Variants in FASTKD1 observed in about 807,000 individuals in gnomAD.
The protein encoded by FASTKD1 is FAST kinase domains 1, also known as FAST kinase domain-containing protein 1, mitochondrial.
Under a neutral mutation model 90.9 loss-of-function variants are expected in FASTKD1, and 94 were observed. The observed-to-expected ratio is 1.03, with a 90% CI of 0.88 to 1.23. The LOEUF (loss-of-function observed/expected upper bound fraction) is 1.23, where lower values mean the gene tolerates loss of function less well. FASTKD1 is among the 50% of genes most tolerant of loss of function. The pLI is 0.00. For synonymous variants in FASTKD1, 319 were observed against 345.8 expected, an observed-to-expected ratio of 0.92 and a Z score of 0.86; for missense variants, 945 against 993.5, an observed-to-expected ratio of 0.95 and a Z score of 0.66.
chr2:169,543,507 T>C (rs1685052662), intron 9 of FASTKD1, among the ~76,000 whole-genome samples: 2 of 152,152 alleles, frequency 1.3e-5, no homozygotes, highest in South Asian at 2.1e-4. Context: ...TCGGGAAAAT[T>C]TGATTACGGA....
chr2:169,544,688 T>C (rs747190524), intron 9 of FASTKD1, 33 bp downstream of exon 9: 2 of 1,169,594 alleles, frequency 1.7e-6, no homozygotes, highest in Admixed American at 1.7e-5. Flanking sequence ...CTCTGACTTA[T>C]TCACTCAATG....
At chr2:169,537,955 T>C (rs567973616) in intron 11 of FASTKD1, 58 bp downstream of exon 11, 13 of 1,445,180 alleles carry the variant, frequency 9.0e-6, no homozygotes, top group African/African-American at 4.3e-5. Flanking sequence ...AACAATGTAC[T>C]ACCTAATAAT....
At chr2:169,539,762 T>C (rs114507829) in intron 10 of FASTKD1, among the ~76,000 whole-genome samples, 1 of 151,854 alleles carries the variant, frequency 6.6e-6, no homozygotes, top group Non-Finnish European at 1.5e-5. Context: ...AGACCCTGTC[T>C]CAAAACAAAA....
intron 7 of FASTKD1, among the ~76,000 whole-genome samples, chr2:169,553,057 A>C (rs1435037090): frequency 6.6e-6 from 1 of 151,834 alleles, no homozygotes. Context: ...AAATACAAAA[A>C]TTAGCCAGGC....
intron 10 of FASTKD1, among the ~76,000 whole-genome samples, chr2:169,539,321 T>C (rs1364918212): frequency 8.1e-5 from 12 of 147,246 alleles, no homozygotes; most frequent in African/African-American, 1.5e-4. Context: ...AAAATAAGTC[T>C]TATAGGGACT....
chr2:169,529,626 T>G lies in FASTKD1; in HGVS notation c.*199A>C. The G allele has an allele frequency of 4.1e-6, 2 of 483,696 alleles. No individual in the cohort carries two copies. Among genetic ancestry groups the G allele is most frequent in the Non-Finnish European group, 7.4e-6 (2 of 269,910 alleles). 30.0% of individuals were successfully genotyped at this position (483,696 alleles called of 1,614,324 possible). ...CAAGAGGTTGTATTTGACTCTGTTA[T>G]CTCTTATCTTTTCTCTTATACACTC... On this transcript the variant is annotated 3_prime_UTR_variant, in exon 15 of 15. Coordinates refer to ENST00000453153, the MANE Select transcript of FASTKD1 (RefSeq NM_024622.6).
At chr2:169,538,228 T>G in intron 10 of FASTKD1, 87 bp from the exon 11 acceptor site, 1 of 1,055,098 alleles carries the variant, frequency 9.5e-7, no homozygotes, top group Non-Finnish European at 1.4e-6. Flanking sequence ...ATCCCCACTA[T>G]TAGTAGATGC....
chr2:169,531,575 TATA>T, intron 12 of FASTKD1, 85 bp from the exon 13 acceptor site: 1 of 1,056,944 alleles, frequency 9.5e-7, no homozygotes. Context: ...TATATATGCA[TATA>T]ATATTTGTAC....
At chr2:169,557,319 T>C (rs1398170033) in intron 5 of FASTKD1, 22 bp from the exon 6 acceptor site, 1 of 1,377,082 alleles carries the variant, frequency 7.3e-7, no homozygotes, top group African/African-American at 1.5e-5. Flanking sequence ...AAAAAAAAAG[T>C]TTTTGGTTGA....
At chr2:169,573,640 A>G (rs1269811076) in intron 1 of FASTKD1, 29 bp downstream of exon 1, 1 of 152,136 alleles carries the variant, frequency 6.6e-6, no homozygotes, top group Non-Finnish European at 1.5e-5. Flanking sequence ...GAAAAGAAAA[A>G]TAGCCGCTGC....
intron 2 of FASTKD1, among the ~76,000 whole-genome samples, chr2:169,570,125 T>C (rs1157374122): frequency 6.6e-6 from 1 of 152,202 alleles, no homozygotes; most frequent in East Asian, 1.9e-4. Flanking sequence ...GTAATGCTGA[T>C]ATTTACAGCC....
In FASTKD1 at chr2:169,572,208, T is replaced by A. The variant is rs186679845; in HGVS notation, c.-142-37A>T. 441 of 526,798 alleles carry A rather than the reference T, an allele frequency of 8.4e-4. 1 individual carries two copies. Among genetic ancestry groups the A allele is most frequent in the African/African-American group, 7.7e-3 (394 of 51,116 alleles). 32.6% of individuals were successfully genotyped at this position (526,798 alleles called of 1,614,324 possible). ...TTGGTTTAACATGGTTATGCTTACA[T>A]CATTAATATCAAAATGATTCCAAAA... is the stretch of plus-strand genomic sequence containing the variant. On this transcript the variant is annotated intron_variant, in intron 1 of 14. Transcript: ENST00000453153.
intron 5 of FASTKD1, among the ~76,000 whole-genome samples, chr2:169,558,343 C>T (rs992839938): frequency 5.3e-5 from 8 of 152,016 alleles, no homozygotes; most frequent in Admixed American, 6.6e-5. Flanking sequence ...CTGCAACCTC[C>T]GCCTCCCAGG....
intron 7 of FASTKD1, among the ~76,000 whole-genome samples, chr2:169,549,206 C>A (rs1407594714): frequency 6.6e-6 from 1 of 152,152 alleles, no homozygotes; most frequent in Non-Finnish European, 1.5e-5. Flanking sequence ...ACCAGCCTAA[C>A]CAACATGGAA....
rs1684906707 is a variant in FASTKD1, at chr2:169,540,173, A to G, written c.1823T>C (p.Leu608Ser). ...VQHLNSYLGI[L>S]DPFILVFLGF... ...AAGAAACACTAATATAAAAGGATCC[A>G]ATATACCTAAAAGAAAATTAAGATT... Residue 608 changes from leucine to serine, a missense_variant, in exon 10 of 15, where the codon TTG becomes TCG. By Grantham distance (145) the Leu-to-Ser change is moderately radical (BLOSUM62 -2). Coordinates refer to ENST00000453153, the MANE Select transcript of FASTKD1 (RefSeq NM_024622.6). The G allele has an allele frequency of 6.4e-7, 1 of 1,553,998 alleles. No individual in the cohort carries two copies. The highest frequency in any genetic ancestry group is 1.4e-5 in the African/African-American group (1 of 72,664).
rs1352374296 is a variant in FASTKD1 at position 169,529,705 on chromosome 2, T to C, written c.*120A>G. The C allele has an allele frequency of 4.5e-6, 3 of 664,672 alleles. No individual in the cohort carries two copies. The highest frequency in any genetic ancestry group is 5.2e-6 in the Non-Finnish European group (2 of 385,922). 41.2% of individuals were successfully genotyped at this position (664,672 alleles called of 1,614,324 possible). On this transcript the variant is annotated 3_prime_UTR_variant, in exon 15 of 15. Transcript: ENST00000453153. ...AGCCACACTGGATCCTTTGTTATTCTCAAACATGCCAGGCATGTTCCCACC... is the reference window on the plus strand; with the variant it reads ...AGCCACACTGGATCCTTTGTTATTCCCAAACATGCCAGGCATGTTCCCACC...
intron 12 of FASTKD1, 196 bp downstream of exon 12, chr2:169,537,031 T>C (rs1684750065): frequency 6.5e-6 from 2 of 309,906 alleles, no homozygotes; most frequent in African/African-American, 2.3e-5. Flanking sequence ...TAGAAAACGC[T>C]CTTGGTTATC....
At chr2:169,550,614 G>A (rs1433809078) in intron 7 of FASTKD1, among the ~76,000 whole-genome samples, 1 of 152,100 alleles carries the variant, frequency 6.6e-6, no homozygotes, top group Non-Finnish European at 1.5e-5. Flanking sequence ...GAGTAGCTAG[G>A]ACTACAGGCA....
intron 4 of FASTKD1, among the ~76,000 whole-genome samples, chr2:169,561,873 A>G (rs1385984775): frequency 1.4e-5 from 2 of 144,136 alleles, no homozygotes; most frequent in Admixed American, 7.0e-5. Flanking sequence ...ATAATTATTT[A>G]TTAATTTATT....
Sources: gnomAD v4.1 joint callset for allele counts (sites outside exome capture counted in the v4.1 genomes callset) on GRCh38, gnomAD v4.1.1 for gene constraint, MANE v1.5 for transcripts, NCBI Gene and HGNC (gene_info 2026-07-23, HGNC 2026-07-21) for gene names.